GABBR2: variants seen among roughly 807,000 people sequenced by gnomAD.
GABBR2 encodes gamma-aminobutyric acid type B receptor subunit 2, also known as G-protein coupled receptor 51.
A neutral mutation model predicts 105.6 loss-of-function variants in GABBR2; 23 were observed. The ratio of observed to expected loss-of-function variants is 0.22; its 90% CI spans 0.16 to 0.31. GABBR2 has a LOEUF of 0.31. Among genes scored for constraint, GABBR2 ranks in the 10% least tolerant of loss-of-function variants. The pLI is 1.00. For synonymous variants in GABBR2, 478 were observed against 499.7 expected (o/e 0.96, Z 0.58); for missense variants, 734 against 1,245.5 (o/e 0.59, Z 6.18).
At chr9:98,343,781 C>A (rs553606133) in intron 13 of GABBR2, among the ~76,000 whole-genome samples, 1 of 152,026 alleles carries the variant, frequency 6.6e-6, no homozygotes, top group Non-Finnish European at 1.5e-5. Context: ...TGTCGTGAAC[C>A]CGGGAGGTGG....
intron 1 of GABBR2, among the ~76,000 whole-genome samples, chr9:98,602,167 ATTT>A (rs56712617): frequency 1.2e-4 from 18 of 145,440 alleles, no homozygotes; most frequent in African/African-American, 2.0e-4. Flanking sequence ...TGCCTGGTTA[ATTT>A]TTTTTTTTTT....
chr9:98,343,532 TG>T (rs748055166), intron 13 of GABBR2, among the ~76,000 whole-genome samples: 19 of 152,330 alleles, frequency 1.2e-4, no homozygotes, highest in Admixed American at 2.6e-4. Context: ...AGTTTACTTT[TG>T]GGGAAAATTA....
At chr9:98,473,507 A>G (rs1588180524) in intron 5 of GABBR2, among the ~76,000 whole-genome samples, 161 bp from the exon 6 acceptor site, 1 of 152,178 alleles carries the variant, frequency 6.6e-6, no homozygotes, top group African/African-American at 2.4e-5. Context: ...AAAGGATCCA[A>G]GGTAGTTTAT....
chr9:98,401,342 A>G (rs1338749500), intron 8 of GABBR2, among the ~76,000 whole-genome samples: 2 of 152,214 alleles, frequency 1.3e-5, no homozygotes, highest in Non-Finnish European at 2.9e-5. Flanking sequence ...GCATTCAAGC[A>G]GTGGGAATGT....
In GABBR2 at chr9:98,325,918, A is replaced by G. The variant is rs529393543; in HGVS notation, c.1894-14713T>C. 2.1e-4 allele frequency among the ~76,000 whole-genome samples: 32 copies of G among 152,282 alleles called. 2 individuals carry two copies. In the South Asian group the frequency reaches 6.6e-3, roughly 32 times the overall value. The stretch of plus-strand genomic sequence containing the variant: ...GTGTTCTTCAAAGACCTAAGGGCCC[A>G]TGCATCCTATGATTCAGAACCCCCA... On this transcript the variant is annotated intron_variant, in intron 13 of 18. Coordinates refer to ENST00000259455, the MANE Select transcript of GABBR2 (RefSeq NM_005458.8).
chr9:98,528,224 G>C (rs189303791), intron 3 of GABBR2, among the ~76,000 whole-genome samples: 170 of 152,156 alleles, frequency 1.1e-3, no homozygotes, highest in African/African-American at 3.9e-3. Context: ...ATAAAATTTA[G>C]CATAGGCATT....
intron 13 of GABBR2, among the ~76,000 whole-genome samples, chr9:98,330,964 C>T (rs796308943): frequency 6.6e-5 from 10 of 152,072 alleles, no homozygotes; most frequent in South Asian, 2.1e-4. Context: ...GTGGATTTGC[C>T]GGTTTGGGAC....
intron 9 of GABBR2, among the ~76,000 whole-genome samples, chr9:98,390,900 C>A (rs745455710): frequency 6.6e-6 from 1 of 152,180 alleles, no homozygotes; most frequent in Non-Finnish European, 1.5e-5. Flanking sequence ...CTCCTTCTTA[C>A]TCCTTCTTCT....
intron 2 of GABBR2, among the ~76,000 whole-genome samples, chr9:98,558,574 C>T (rs1446605339): frequency 6.6e-6 from 1 of 152,190 alleles, no homozygotes; most frequent in Non-Finnish European, 1.5e-5. Flanking sequence ...TAAACCCATT[C>T]GCTTCTCCAC....
chr9:98,651,938 A>G (rs57190410), intron 1 of GABBR2, among the ~76,000 whole-genome samples: 5,810 of 152,306 alleles, frequency 0.038, 148 homozygotes, highest in Non-Finnish European at 0.052. Flanking sequence ...TTTCAGACAT[A>G]CAAACAAAAT....
intron 1 of GABBR2, among the ~76,000 whole-genome samples, chr9:98,681,206 C>T (rs1473572115): frequency 4.1e-5 from 6 of 145,872 alleles, no homozygotes; most frequent in East Asian, 2.0e-4. Flanking sequence ...TGTCCAACAA[C>T]GATAGACTGG....
intron 7 of GABBR2, among the ~76,000 whole-genome samples, chr9:98,443,037 G>A (rs1826058894): frequency 1.3e-5 from 2 of 152,142 alleles, no homozygotes; most frequent in Non-Finnish European, 2.9e-5. Context: ...TTTTTTAGGG[G>A]GGCACAATTC....
Position 98,454,426 on chromosome 9 carries a change from G to A in GABBR2, c.1000-209C>T, listed in dbSNP as rs1295814631. Among the ~76,000 whole-genome samples, 1 of 152,020 alleles carries A rather than the reference G, an allele frequency of 6.6e-6. No homozygotes were observed. Among genetic ancestry groups the A allele is most frequent in the Non-Finnish European group, 1.5e-5 (1 of 68,004 alleles). The stretch of plus-strand genomic sequence containing the variant: ...CATTTTACAGACCCCCCATTTTCAG[G>A]GGGGTCAACTTGCTTAGTTCCACAA... On this transcript the variant is annotated intron_variant, in intron 6 of 18. Transcript: ENST00000259455. This position sits in a 1 kb window ranked among gnomAD's most constrained non-coding sequence, Gnocchi z 4.6.
At chr9:98,304,661 T>G (rs1168653201) in intron 15 of GABBR2, among the ~76,000 whole-genome samples, 2 of 152,190 alleles carry the variant, frequency 1.3e-5, no homozygotes, top group African/African-American at 4.8e-5. Flanking sequence ...ATGGGTAGCC[T>G]GTTTGCTGAA....
intron 13 of GABBR2, among the ~76,000 whole-genome samples, chr9:98,324,588 T>C (rs967338216): frequency 6.6e-6 from 1 of 151,740 alleles, no homozygotes; most frequent in Non-Finnish European, 1.5e-5. Context: ...TTTCCTGTTG[T>C]CATTCAGAGA....
At chr9:98,661,961 T>C (rs1020524044) in intron 1 of GABBR2, among the ~76,000 whole-genome samples, 1 of 152,138 alleles carries the variant, frequency 6.6e-6, no homozygotes, top group African/African-American at 2.4e-5. Flanking sequence ...GAGGCTCCTA[T>C]TGCAACCACA....
intron 1 of GABBR2, among the ~76,000 whole-genome samples, chr9:98,623,505 C>A (rs550191642): frequency 3.3e-5 from 5 of 152,276 alleles, no homozygotes; most frequent in African/African-American, 1.2e-4. Flanking sequence ...GGCCAGAATC[C>A]AAAATGGATC....
intron 13 of GABBR2, among the ~76,000 whole-genome samples, chr9:98,342,401 GGATCATCAAAGGCCTCCTGAGCT>G (rs1284994702): frequency 6.6e-6 from 1 of 152,114 alleles, no homozygotes; most frequent in Non-Finnish European, 1.5e-5. Flanking sequence ...CGAGCCAGCC[GGATCATCAAAGGCCTCCTGAGCT>G]GAGCTAAGGA....
chr9:98,630,514 C>G (rs1477734918), intron 1 of GABBR2, among the ~76,000 whole-genome samples: 1 of 152,200 alleles, frequency 6.6e-6, no homozygotes, highest in Non-Finnish European at 1.5e-5. Flanking sequence ...GCCCAAAGAC[C>G]TACTGAGGCA....
Sources: allele counts gnomAD v4.1 joint callset (sites outside exome capture counted in the v4.1 genomes callset), GRCh38; gene constraint gnomAD v4.1.1; non-coding constraint Gnocchi (gnomAD v3.1); transcripts MANE v1.5; gene names NCBI Gene and HGNC (gene_info 2026-07-23, HGNC 2026-07-21).